The following PREP variants were observed in gnomAD, a reference collection of about 807,000 sequenced individuals.
PREP encodes prolyl endopeptidase.
Under a neutral mutation model 87.6 loss-of-function variants are expected in PREP, and 29 were observed. That is an observed-to-expected ratio of 0.33 (90% CI 0.25 to 0.45). The LOEUF is 0.45. Ranked by LOEUF, PREP falls within the 20% of genes least tolerant of loss-of-function variation. The pLI is 1.00. For missense variants in PREP, 695 were observed against 886.5 expected, an observed-to-expected ratio of 0.78 and a Z score of 2.74; for synonymous variants, 337 against 328.6, an observed-to-expected ratio of 1.03 and a Z score of -0.28.
intron 10 of PREP, among the ~76,000 whole-genome samples, chr6:105,295,000 C>A (rs1269507572): frequency 6.6e-6 from 1 of 152,156 alleles, no homozygotes; most frequent in Non-Finnish European, 1.5e-5. Flanking sequence ...TCTCCTCCCC[C>A]AGGCTGCTGG....
chr6:105,347,303 G>A (rs980881613), intron 7 of PREP, among the ~76,000 whole-genome samples: 1 of 152,224 alleles, frequency 6.6e-6, no homozygotes, highest in Admixed American at 6.5e-5. Context: ...AGCACTTGAA[G>A]GGCAGGGGCT....
chr6:105,303,112 C>CATGTATGTATGTATGTATGTATGT (rs141833268), intron 10 of PREP, among the ~76,000 whole-genome samples: 5 of 150,664 alleles, frequency 3.3e-5, no homozygotes, highest in Admixed American at 2.6e-4. Context: ...AAATGAAGTC[C>CATGTATGTATGTATGTATGTATGT]ATGTATGTAT....
At position 105,274,280 on chromosome 6, in the gene PREP, T is replaced by A. The variant is rs1337331303; in HGVS notation, c.*3864A>T. Among the ~76,000 whole-genome samples, 1 of 145,130 alleles carries A rather than the reference T, an allele frequency of 6.9e-6. No homozygotes were observed. The highest frequency in any genetic ancestry group is 2.5e-5 in the African/African-American group (1 of 39,436). ...TGACACCGTCTCCTGTGTCCTCACA[T>A]GGTGGAAGGGATGGGGCGGGGGGGT... On this transcript the variant is annotated 3_prime_UTR_variant, in exon 15 of 15. Transcript: ENST00000652536.
chr6:105,363,478 T>C (rs1772304471), intron 6 of PREP, among the ~76,000 whole-genome samples: 1 of 152,148 alleles, frequency 6.6e-6, no homozygotes, highest in African/African-American at 2.4e-5. Context: ...ACAGTCTATA[T>C]TAAATAACTG....
intron 6 of PREP, among the ~76,000 whole-genome samples, chr6:105,355,853 C>T (rs188941842): frequency 3.3e-5 from 5 of 152,224 alleles, no homozygotes; most frequent in African/African-American, 9.6e-5. Context: ...ATCTAAACTG[C>T]TATAAACAGA....
Position 105,277,825 on chromosome 6 carries a change from C to T in PREP, c.*319G>A, listed in dbSNP as rs780086701. 5 of 342,896 alleles carry T rather than the reference C, an allele frequency of 1.5e-5. No homozygotes were observed. The highest frequency in any genetic ancestry group is 6.2e-5 in the African/African-American group (3 of 48,290). 21.2% of individuals were successfully genotyped at this position (342,896 alleles called of 1,614,324 possible). The stretch of plus-strand genomic sequence containing the variant: ...GGTTATGGATATAGATAAGTATGCC[C>T]GACTATGATCCTTAATTCAGCAATC... On this transcript the variant is annotated 3_prime_UTR_variant, in exon 15 of 15. Coordinates refer to ENST00000652536, the MANE Select transcript of PREP (RefSeq NM_002726.5).
At chr6:105,319,013 T>C (rs1480009843) in intron 10 of PREP, among the ~76,000 whole-genome samples, 1 of 152,122 alleles carries the variant, frequency 6.6e-6, no homozygotes, top group Non-Finnish European at 1.5e-5. Context: ...CAGCTATCAC[T>C]AAGATTAGAA....
intron 6 of PREP, among the ~76,000 whole-genome samples, chr6:105,358,014 T>C (rs1772146699): frequency 6.6e-6 from 1 of 152,068 alleles, no homozygotes; most frequent in Admixed American, 6.5e-5. Context: ...TTTTTTCTTT[T>C]GCAAAAACTA....
intron 6 of PREP, among the ~76,000 whole-genome samples, chr6:105,368,640 C>A (rs1366264105): frequency 6.6e-6 from 1 of 152,144 alleles, no homozygotes; most frequent in African/African-American, 2.4e-5. Flanking sequence ...TTACTAGGTA[C>A]TTTTATAGTT....
At chr6:105,299,131 A>C (rs370630688) in intron 10 of PREP, among the ~76,000 whole-genome samples, 20 of 152,238 alleles carry the variant, frequency 1.3e-4, no homozygotes, top group African/African-American at 4.1e-4. Context: ...GCCACCTGGT[A>C]AACAAAAGCT....
chr6:105,323,008 G>T (rs1771052884), intron 10 of PREP: 1 of 1,303,456 alleles, frequency 7.7e-7, no homozygotes, highest in African/African-American at 1.5e-5. Context: ...ATAAACACCT[G>T]GTGCCCTATT....
At chr6:105,323,845 C>T (rs1251868325) in intron 9 of PREP, 77 bp from the exon 10 acceptor site, 18 of 1,234,598 alleles carry the variant, frequency 1.5e-5, no homozygotes, top group Non-Finnish European at 1.9e-5. Context: ...CAAACCACAA[C>T]CAAATGCCAG....
intron 6 of PREP, among the ~76,000 whole-genome samples, chr6:105,368,216 A>G (rs185815088): frequency 6.6e-6 from 1 of 152,342 alleles, no homozygotes; most frequent in East Asian, 1.9e-4. Context: ...CACCCATATT[A>G]AAACATATTC....
At chr6:105,306,037 T>A (rs1422305606) in intron 10 of PREP, among the ~76,000 whole-genome samples, 2 of 152,040 alleles carry the variant, frequency 1.3e-5, no homozygotes, top group Non-Finnish European at 2.9e-5. Context: ...AGATGGGGTC[T>A]CACCTATGTG....
At chr6:105,384,550 C>A (rs1772933358) in intron 2 of PREP, among the ~76,000 whole-genome samples, 1 of 152,210 alleles carries the variant, frequency 6.6e-6, no homozygotes. Flanking sequence ...TGTATTCTAA[C>A]TATGCTAACT....
At chr6:105,367,387 G>C (rs1772411813) in intron 6 of PREP, among the ~76,000 whole-genome samples, 1 of 152,158 alleles carries the variant, frequency 6.6e-6, no homozygotes, top group South Asian at 2.1e-4. Context: ...AGCTGGTAGA[G>C]TGGGAAGTTA....
chr6:105,345,669 T>A (rs912727824), intron 7 of PREP, among the ~76,000 whole-genome samples: 1 of 152,236 alleles, frequency 6.6e-6, no homozygotes, highest in East Asian at 1.9e-4. Context: ...TGGGCTGCTG[T>A]TGTCCTGAAT....
chr6:105,354,983 C>T (rs756459986), intron 6 of PREP, among the ~76,000 whole-genome samples: 20 of 151,548 alleles, frequency 1.3e-4, no homozygotes, highest in Non-Finnish European at 2.5e-4. Context: ...TACATCTATT[C>T]AGAGAGAGGA....
chr6:105,371,458 G>A (rs965745210), intron 5 of PREP, among the ~76,000 whole-genome samples: 4 of 120,220 alleles, frequency 3.3e-5, no homozygotes, highest in African/African-American at 1.3e-4. Context: ...CTGAGATCAC[G>A]CCACTGCACT....
Sources: allele counts gnomAD v4.1 joint callset (sites outside exome capture counted in the v4.1 genomes callset), GRCh38; gene constraint gnomAD v4.1.1; transcripts MANE v1.5; gene names NCBI Gene and HGNC (gene_info 2026-07-23, HGNC 2026-07-21).